PKNOX2: variants seen among roughly 807,000 people sequenced by gnomAD.
The protein encoded by PKNOX2 is homeobox protein PKNOX2.
In PKNOX2, 14 loss-of-function variants were observed where a neutral mutation model predicts 53.1. The ratio of observed to expected loss-of-function variants is 0.26; its 90% confidence interval spans 0.17 to 0.41. The LOEUF (loss-of-function observed/expected upper bound fraction) is 0.41, where lower values mean the gene tolerates loss of function less well. Among genes scored for constraint, PKNOX2 ranks in the 10% least tolerant of loss-of-function variants. PKNOX2 has a pLI of 1.00. For synonymous variants in PKNOX2, 257 were observed against 242.8 expected (o/e 1.06, Z -0.54); for missense variants, 496 against 602.8 (o/e 0.82, Z 1.85).
At chr11:125,424,432 C>T (rs1262635670) in intron 10 of PKNOX2, among the ~76,000 whole-genome samples, 2 of 151,942 alleles carry the variant, frequency 1.3e-5, no homozygotes, top group African/African-American at 2.4e-5. Context: ...GGAATGTGGT[C>T]GTTTTGGGGC....
intron 2 of PKNOX2, among the ~76,000 whole-genome samples, chr11:125,236,821 G>A (rs1305041998): frequency 6.6e-6 from 1 of 152,228 alleles, no homozygotes; most frequent in Non-Finnish European, 1.5e-5. Flanking sequence ...CAGTTGAGGA[G>A]GGAAGGGTCT....
intron 2 of PKNOX2, among the ~76,000 whole-genome samples, chr11:125,328,926 T>A (rs1214178027): frequency 6.6e-6 from 1 of 152,248 alleles, no homozygotes; most frequent in Non-Finnish European, 1.5e-5. Flanking sequence ...TAAATGGGTA[T>A]GACCTTCCTG....
Position 125,330,028 on chromosome 11 carries a change from T to G in PKNOX2, c.-129-1791T>G, listed in dbSNP as rs145538893. On this transcript the variant is annotated intron_variant, in intron 2 of 12. Transcript: ENST00000298282. ...TGGATGAGACCTTGAAGAGCATGAA[T>G]GAAGTCACCTGTCCCGGTAGCTCTG... is the stretch of plus-strand genomic sequence containing the variant. 6.5e-3 allele frequency among the ~76,000 whole-genome samples: 989 copies of G among 152,206 alleles called. 7 individuals carry two copies. The highest frequency in any genetic ancestry group is 0.01 in the Non-Finnish European group (704 of 68,014).
intron 4 of PKNOX2, among the ~76,000 whole-genome samples, chr11:125,362,752 G>T (rs573545007): frequency 6.6e-6 from 1 of 152,156 alleles, no homozygotes; most frequent in Non-Finnish European, 1.5e-5. Context: ...TAACAGAAAA[G>T]AAGCATCTGT....
chr11:125,322,602 G>A (rs1348416055), intron 2 of PKNOX2, among the ~76,000 whole-genome samples: 11 of 152,254 alleles, frequency 7.2e-5, no homozygotes, highest in Admixed American at 2.6e-4. Flanking sequence ...GCAGCATCAC[G>A]CCCAGAACTC....
Position 125,431,418 on chromosome 11 carries a change from A to C in PKNOX2, c.*26A>C. ...TCGGGCAGCCCAGATGGCACTGATC[A>C]CTGAGCAGGAGAGGAGTGTCGCCGG... On this transcript the variant is annotated 3_prime_UTR_variant, in exon 13 of 13. Coordinates refer to ENST00000298282, the MANE Select transcript of PKNOX2 (RefSeq NM_001382323.2). The C allele has an allele frequency of 7.6e-7, 1 of 1,309,070 alleles. No individual in the cohort carries two copies. The highest frequency in any genetic ancestry group is 1.0e-6 in the Non-Finnish European group (1 of 992,714). 81.1% of individuals were successfully genotyped at this position (1,309,070 alleles called of 1,614,324 possible). A position where few individuals can be genotyped will look rare whatever the true frequency, so the allele number is the denominator to read the frequency against.
intron 10 of PKNOX2, among the ~76,000 whole-genome samples, chr11:125,412,671 T>A (rs1447213325): frequency 6.6e-6 from 1 of 152,088 alleles, no homozygotes; most frequent in South Asian, 2.1e-4. Flanking sequence ...GGGAGGTAGA[T>A]GCTGTGACCA....
In PKNOX2 at chr11:125,351,414, C is replaced by T. The variant is rs769574835; in HGVS notation, c.87+22C>T. ...ACAGGTGAGTGCGCAGGGGCCGCTG[C>T]CTCCCACCACGGGGGAGGGAGTGTG... On this transcript the variant is annotated intron_variant, in intron 4 of 12. Transcript: ENST00000298282. 6.6e-5 allele frequency: 98 copies of T among 1,493,882 alleles called. 1 individual carries two copies. The South Asian group carries it at 1.1e-3, about 16-fold the overall frequency. The allele number at this position is 1,493,882 out of a possible 1,614,324, so 92.5% of individuals were successfully genotyped here. A position where few individuals can be genotyped will look rare whatever the true frequency, so the allele number is the denominator to read the frequency against.
At chr11:125,410,055 C>T in intron 7 of PKNOX2, 141 bp from the exon 8 acceptor site, 1 of 1,140,478 alleles carries the variant, frequency 8.8e-7, no homozygotes, top group Admixed American at 2.5e-5. Flanking sequence ...AAGAGAGTTG[C>T]CTTCTGGACC....
chr11:125,334,571 C>A (rs576214270), intron 3 of PKNOX2, among the ~76,000 whole-genome samples: 1 of 151,054 alleles, frequency 6.6e-6, no homozygotes, highest in Non-Finnish European at 1.5e-5. Flanking sequence ...GGGCAAGTTA[C>A]GTAACTTAAG....
intron 2 of PKNOX2, among the ~76,000 whole-genome samples, chr11:125,276,757 G>A (rs1300507548): frequency 1.3e-5 from 2 of 152,188 alleles, no homozygotes; most frequent in East Asian, 3.8e-4. Flanking sequence ...GGGAAATGTG[G>A]TAGTTTTTTC....
intron 1 of PKNOX2, among the ~76,000 whole-genome samples, chr11:125,173,858 A>T (rs775155519): frequency 1.3e-5 from 2 of 152,216 alleles, no homozygotes; most frequent in Non-Finnish European, 2.9e-5. Flanking sequence ...ACAAACACCA[A>T]GGGGAGTTTA....
Position 125,351,284 on chromosome 11 carries a change from GTCC to G in PKNOX2, c.-18_-16del. 6.7e-7 allele frequency: 1 copy of G among 1,482,164 alleles called. No homozygotes were observed. Among genetic ancestry groups the G allele is most frequent in the Non-Finnish European group, 9.4e-7 (1 of 1,064,898 alleles). The allele number at this position is 1,482,164 out of a possible 1,614,324, so 91.8% of individuals were successfully genotyped here. ...GCGGCCCCCTTTCTCCTGCCCACAG[GTCC>G]TCCATGTGAATCAATCCCATGATGC... is the stretch of plus-strand genomic sequence containing the variant. On this transcript the variant is annotated splice_region_variant and 5_prime_UTR_variant, in exon 4 of 13. Coordinates refer to ENST00000298282, the MANE Select transcript of PKNOX2 (RefSeq NM_001382323.2).
chr11:125,378,696 AGG>A (rs1363075971), intron 5 of PKNOX2, among the ~76,000 whole-genome samples: 1 of 152,236 alleles, frequency 6.6e-6, no homozygotes, highest in Non-Finnish European at 1.5e-5. Context: ...TCACAAGGGA[AGG>A]GATGGCTGAG....
chr11:125,195,868 A>G (rs888030309), intron 1 of PKNOX2, among the ~76,000 whole-genome samples: 32 of 140,810 alleles, frequency 2.3e-4, no homozygotes, highest in Non-Finnish European at 4.6e-4. Flanking sequence ...ATTCTCTCCC[A>G]AGGAATATGT....
intron 6 of PKNOX2, among the ~76,000 whole-genome samples, chr11:125,396,091 C>T (rs1232522561): frequency 4.0e-5 from 6 of 151,822 alleles, no homozygotes; most frequent in African/African-American, 9.7e-5. Flanking sequence ...GTAGCTGGGA[C>T]TTCAGGCATG....
At chr11:125,354,575 G>A (rs1242815026) in intron 4 of PKNOX2, among the ~76,000 whole-genome samples, 1 of 152,138 alleles carries the variant, frequency 6.6e-6, no homozygotes, top group Admixed American at 6.5e-5. Context: ...TTGTGCTAAG[G>A]GCTAGCAATA....
chr11:125,178,012 G>A (rs1479459827), intron 1 of PKNOX2, among the ~76,000 whole-genome samples: 1 of 152,228 alleles, frequency 6.6e-6, no homozygotes, highest in Non-Finnish European at 1.5e-5. Flanking sequence ...TTGACATTGA[G>A]CGAGGTATTT....
intron 2 of PKNOX2, among the ~76,000 whole-genome samples, chr11:125,247,262 T>C (rs142981243): frequency 6.6e-6 from 1 of 152,198 alleles, no homozygotes; most frequent in Non-Finnish European, 1.5e-5. Flanking sequence ...CTACACCCCA[T>C]GTTTACCTGG....
Sources: allele counts gnomAD v4.1 joint callset (sites outside exome capture counted in the v4.1 genomes callset), GRCh38; gene constraint gnomAD v4.1.1; transcripts MANE v1.5; gene names NCBI Gene and HGNC (gene_info 2026-07-23, HGNC 2026-07-21).